The following SLCO4A1 variants were observed in gnomAD, a reference collection of about 807,000 sequenced individuals.
The protein encoded by SLCO4A1 is colon organic anion transporter.
Under a neutral mutation model 64.6 loss-of-function variants are expected in SLCO4A1, and 51 were observed. The ratio of observed to expected loss-of-function variants is 0.79; its 90% CI spans 0.63 to 1.00. The LOEUF (loss-of-function observed/expected upper bound fraction) is 1.00, where lower values mean the gene tolerates loss of function less well. Among genes scored for constraint, SLCO4A1 ranks in the 50% least tolerant of loss-of-function variants. The pLI is 0.00. For missense variants in SLCO4A1, 919 were observed against 980.5 expected (o/e 0.94, Z 0.84); for synonymous variants, 471 against 444.9 (o/e 1.06, Z -0.74).
intron 2 of SLCO4A1, 82 bp from the exon 3 acceptor site, chr20:62,658,595 C>T (rs1984185707): frequency 7.2e-6 from 8 of 1,117,054 alleles, no homozygotes; most frequent in Non-Finnish European, 1.0e-5. Context: ...TGCGGGGCTT[C>T]TCCCAGGCAC....
At chr20:62,652,740 C>A (rs2427365) in intron 1 of SLCO4A1, among the ~76,000 whole-genome samples, 4 of 152,088 alleles carry the variant, frequency 2.6e-5, no homozygotes, top group South Asian at 2.1e-4. Context: ...GTAAATAAAC[C>A]CCCGGGTGTG....
intron 1 of SLCO4A1, among the ~76,000 whole-genome samples, chr20:62,648,809 C>T (rs530887220): frequency 6.2e-4 from 95 of 152,356 alleles, no homozygotes; most frequent in African/African-American, 2.1e-3. Context: ...TTGTCCCCAC[C>T]GGCCAGGCGG....
rs777817802 is a variant in SLCO4A1, at chr20:62,665,023, C to T, written c.1211C>T (p.Thr404Met). ...TEATLITGMS[T>M]FSPKFLESQF... ...GCCACTCTCATCACCGGCATGTCCA[C>T]GTTCAGCCCCAAGTTCTTGGAGTCC... The change falls in exon 6 of 12, where the codon ACG becomes ATG. Residue 404 changes from threonine (T) to methionine (M), a missense_variant. Coordinates refer to ENST00000217159, the MANE Select transcript of SLCO4A1 (RefSeq NM_016354.4). The T allele has an allele frequency of 9.9e-6, 16 of 1,613,836 alleles. No individual in the cohort carries two copies. The highest frequency in any genetic ancestry group is 1.7e-5 in the Admixed American group (1 of 59,982).
chr20:62,669,335 C>T (rs1010081012), intron 11 of SLCO4A1, among the ~76,000 whole-genome samples: 1 of 152,232 alleles, frequency 6.6e-6, no homozygotes, highest in Non-Finnish European at 1.5e-5. Flanking sequence ...GGCCCTGCTC[C>T]CTCTCCCACC....
chr20:62,678,730 C>T (rs1220858883), intron 2 of SLCO4A1, among the ~76,000 whole-genome samples: 3 of 143,872 alleles, frequency 2.1e-5, no homozygotes, highest in South Asian at 2.1e-4. Context: ...TAGACTCAGC[C>T]GTGAGAGGGG....
intron 5 of SLCO4A1, chr20:62,663,544 C>T (rs1410320995): frequency 1.3e-5 from 2 of 152,246 alleles, no homozygotes; most frequent in African/African-American, 4.8e-5. Flanking sequence ...ATTTGCATTA[C>T]TGTGGGCTGA....
rs772882963 is a variant in SLCO4A1 at position 62,658,787 on chromosome 20, G to C, written c.887+20G>C. ...CCGACGGTGAGTGGCCGCGCACCCAGCTGCCTGCGCTGGAGAGGCCCACGT... is the reference window on the plus strand; with the variant it reads ...CCGACGGTGAGTGGCCGCGCACCCACCTGCCTGCGCTGGAGAGGCCCACGT... On this transcript the variant is annotated intron_variant, in intron 3 of 11. Transcript: ENST00000217159. 17 of 1,570,578 alleles carry C rather than the reference G, an allele frequency of 1.1e-5. No individual in the cohort carries two copies. The Admixed American group carries it at 1.1e-4, about 10-fold the overall frequency.
In SLCO4A1 at chr20:62,668,819, C is replaced by T. The variant is rs554189506; in HGVS notation, c.1877-111C>T. 144 of 1,151,320 alleles carry T rather than the reference C, an allele frequency of 1.3e-4. 1 individual carries two copies. The South Asian group carries it at 1.9e-3, about 16-fold the overall frequency. 71.3% of individuals were successfully genotyped at this position (1,151,320 alleles called of 1,614,324 possible). On this transcript the variant is annotated intron_variant, in intron 10 of 11. Coordinates refer to ENST00000217159, the MANE Select transcript of SLCO4A1 (RefSeq NM_016354.4). ...TCTTTGCACCCCCTGAGAACTCCAA[C>T]GGCCAGTATCACCTTCCCAGAGCCC...
chr20:62,681,582 T>G (rs1418658135), intron 2 of SLCO4A1, among the ~76,000 whole-genome samples: 2 of 152,186 alleles, frequency 1.3e-5, no homozygotes, highest in East Asian at 1.9e-4. Context: ...GTGTGTGTGT[T>G]AATCCGTGTG....
chr20:62,682,347 T>C (rs1423004501), intron 2 of SLCO4A1, among the ~76,000 whole-genome samples: 1 of 151,916 alleles, frequency 6.6e-6, no homozygotes, highest in African/African-American at 2.4e-5. Context: ...GGGCAGAAGG[T>C]GAATTTATTT....
chr20:62,684,744 G>T (rs1288539972), intron 2 of SLCO4A1, among the ~76,000 whole-genome samples: 1 of 151,534 alleles, frequency 6.6e-6, no homozygotes, highest in Non-Finnish European at 1.5e-5. Flanking sequence ...ACTCATTCCC[G>T]CCAGGGCGAT....
downstream of SLCO4A1, chr20:62,672,301 G>C: frequency 9.2e-7 from 1 of 1,090,628 alleles, no homozygotes; most frequent in Non-Finnish European, 1.1e-6. Flanking sequence ...CTGCGTCCCC[G>C]TACCGCGTGC....
chr20:62,671,716 C>T, intron 11 of SLCO4A1, 34 bp from the exon 12 acceptor site: 1 of 1,601,294 alleles, frequency 6.2e-7, no homozygotes. Context: ...TGGCCGAGCT[C>T]CCCACGAGGT....
In SLCO4A1 at chr20:62,671,750, G is replaced by A. The variant is rs368780951; in HGVS notation, c.2026G>A (p.Val676Met). Residue 676 changes from valine (V) to methionine (M), a missense_variant and splice_region_variant, in exon 12 of 12, where the codon GTG becomes ATG. Physicochemically the swap from Val to Met is conservative, Grantham distance 21. Coordinates refer to ENST00000217159, the MANE Select transcript of SLCO4A1 (RefSeq NM_016354.4). ...YILIMGLLYK[V>M]LGVLFFAIAC... ...GTCCAGCGGGCTCCTCTCTCCCCAG[G>A]TGCTGGGCGTCCTCTTCTTTGCCAT... The A allele has an allele frequency of 2.3e-5, 37 of 1,612,630 alleles. No homozygotes were observed. Among genetic ancestry groups the A allele is most frequent in the Non-Finnish European group, 3.1e-5 (36 of 1,179,396 alleles).
chr20:62,645,591 C>T lies in SLCO4A1; in HGVS notation c.-97+3038C>T, dbSNP rs1439308191. Reference sequence around the variant, plus strand: ...CAACCCTTCAGTTCTTTTCAGTAGCCTCCTTCCCACCAGCATCACACAGAA... The same window carrying T: ...CAACCCTTCAGTTCTTTTCAGTAGCTTCCTTCCCACCAGCATCACACAGAA... On this transcript the variant is annotated intron_variant, in intron 1 of 11. Transcript: ENST00000217159. The surrounding 1 kb of genome is among the most constrained non-coding windows in gnomAD (Gnocchi z 4.2). 2.0e-5 allele frequency among the ~76,000 whole-genome samples: 3 copies of T among 151,658 alleles called. No individual in the cohort carries two copies. The highest frequency in any genetic ancestry group is 4.4e-5 in the Non-Finnish European group (3 of 67,868).
chr20:62,667,998 G>T lies in SLCO4A1; in HGVS notation c.1639-14G>T. 6.2e-7 allele frequency: 1 copy of T among 1,614,038 alleles called. No homozygotes were observed. The highest frequency in any genetic ancestry group is 8.5e-7 in the Non-Finnish European group (1 of 1,180,028). ...CCTTCCCCTTGTAATCGGAGCTATT[G>T]TTGGGCTTCCCAGGTGTACCGAGAC... On this transcript the variant is annotated splice_polypyrimidine_tract_variant and intron_variant, in intron 8 of 11. Coordinates refer to ENST00000217159, the MANE Select transcript of SLCO4A1 (RefSeq NM_016354.4).
At chr20:62,651,291 A>T (rs1302340891) in intron 1 of SLCO4A1, 1 of 152,212 alleles carries the variant, frequency 6.6e-6, no homozygotes, top group Non-Finnish European at 1.5e-5. Context: ...GAGAACCCGG[A>T]GCTGAAACTC....
intron 2 of SLCO4A1, among the ~76,000 whole-genome samples, chr20:62,658,442 T>G (rs1175534582): frequency 6.6e-6 from 1 of 152,222 alleles, no homozygotes; most frequent in Non-Finnish European, 1.5e-5. Flanking sequence ...TGCCCTTTCG[T>G]AAGGGAAAGA....
At chr20:62,658,295 C>T (rs1984117968) in intron 2 of SLCO4A1, among the ~76,000 whole-genome samples, 1 of 152,234 alleles carries the variant, frequency 6.6e-6, no homozygotes, top group African/African-American at 2.4e-5. Context: ...AAATCCCGGC[C>T]TGTGGGAGAG....
Sources: allele counts gnomAD v4.1 joint callset (sites outside exome capture counted in the v4.1 genomes callset), GRCh38; gene constraint gnomAD v4.1.1; non-coding constraint Gnocchi (gnomAD v3.1); transcripts MANE v1.5; gene names NCBI Gene and HGNC (gene_info 2026-07-23, HGNC 2026-07-21).